UBE2K: variants seen among roughly 807,000 people sequenced by gnomAD.
UBE2K encodes the protein ubiquitin-conjugating enzyme E2 K.
UBE2K carries 6 observed loss-of-function variants against 30.0 expected under a neutral mutation model. The observed-to-expected ratio is 0.20, with a 90% confidence interval of 0.11 to 0.39. UBE2K has a LOEUF of 0.39. UBE2K is among the 10% of genes least tolerant of loss of function. UBE2K has a pLI of 1.00. For missense variants in UBE2K, 61 were observed against 241.6 expected (o/e 0.25, Z 4.96); for synonymous variants, 86 against 83.7 (o/e 1.03, Z -0.15).
chr4:39,701,391 A>G (rs1718001753), intron 1 of UBE2K, among the ~76,000 whole-genome samples: 1 of 152,212 alleles, frequency 6.6e-6, no homozygotes, highest in Non-Finnish European at 1.5e-5. Flanking sequence ...GCTGTTAATA[A>G]CTAGCTGCCA....
Position 39,714,544 on chromosome 4 carries a change from A to ATTTTTTTTTT in UBE2K, c.63+16155_63+16156insTTTTTTTTTT, listed in dbSNP as rs1337587267. 4.8e-3 allele frequency: 102 copies of ATTTTTTTTTT among 21,066 alleles called. 3 individuals carry two copies. The highest frequency in any genetic ancestry group is 0.016 in the East Asian group (6 of 370). The allele number at this position is 21,066 out of a possible 1,614,324, so 1.3% of individuals were successfully genotyped here. ...TATATATATATATATATATATATAT[A>ATTTTTTTTTT]TATATATTTTTTTTTTTTTTTAAGA... On this transcript the variant is annotated intron_variant, in intron 1 of 6. Transcript: ENST00000261427.
intron 1 of UBE2K, among the ~76,000 whole-genome samples, chr4:39,734,364 C>T (rs116053286): frequency 0.011 from 1,713 of 152,172 alleles, 41 homozygotes; most frequent in African/African-American, 0.039. Flanking sequence ...CACGAGCCAC[C>T]GCATGCACCT....
intron 1 of UBE2K, among the ~76,000 whole-genome samples, chr4:39,708,070 A>G (rs975318676): frequency 7.9e-5 from 12 of 151,466 alleles, no homozygotes; most frequent in Non-Finnish European, 1.6e-4. Flanking sequence ...CTAATTTTGT[A>G]TTTTTAGTAG....
intron 4 of UBE2K, among the ~76,000 whole-genome samples, chr4:39,766,476 G>GTT (rs958448358): frequency 7.0e-6 from 1 of 143,390 alleles, no homozygotes; most frequent in Non-Finnish European, 1.5e-5. Context: ...TTTTAACCAG[G>GTT]TTTTTTTTTT....
intron 1 of UBE2K, among the ~76,000 whole-genome samples, chr4:39,715,496 T>G (rs373791528): frequency 2.0e-5 from 3 of 151,342 alleles, no homozygotes; most frequent in South Asian, 4.2e-4. Context: ...TTAGTAGAGA[T>G]AGGGTTTTTC....
intron 1 of UBE2K, among the ~76,000 whole-genome samples, chr4:39,701,188 A>G (rs563365334): frequency 1.3e-5 from 2 of 152,214 alleles, no homozygotes; most frequent in South Asian, 4.1e-4. Context: ...TTTGTTTTTA[A>G]ATATGAGTGT....
At chr4:39,756,405 T>G (rs1721518965) in intron 4 of UBE2K, among the ~76,000 whole-genome samples, 1 of 152,346 alleles carries the variant, frequency 6.6e-6, no homozygotes, top group East Asian at 1.9e-4. Context: ...CTCAGAGGAT[T>G]AAATAAGTTA....
chr4:39,734,066 G>A (rs1560355866), intron 1 of UBE2K, among the ~76,000 whole-genome samples: 1 of 150,332 alleles, frequency 6.7e-6, no homozygotes, highest in Non-Finnish European at 1.5e-5. Flanking sequence ...TTTATCTTTA[G>A]TTCTGTGCAA....
At chr4:39,699,916 A>G (rs1238264037) in intron 1 of UBE2K, among the ~76,000 whole-genome samples, 1 of 152,190 alleles carries the variant, frequency 6.6e-6, no homozygotes, top group Non-Finnish European at 1.5e-5. Flanking sequence ...CAATGCAGAA[A>G]TAGAGTCATA....
At chr4:39,745,987 A>G (rs1005810503) in intron 3 of UBE2K, among the ~76,000 whole-genome samples, 177 bp downstream of exon 3, 2 of 152,154 alleles carry the variant, frequency 1.3e-5, no homozygotes, top group Admixed American at 6.6e-5. Context: ...TGAAATTAGA[A>G]TGAAAAGCAA....
intron 1 of UBE2K, among the ~76,000 whole-genome samples, chr4:39,716,572 G>A (rs1383457222): frequency 1.3e-5 from 2 of 152,092 alleles, no homozygotes; most frequent in African/African-American, 2.4e-5. Context: ...TGTATTAAAC[G>A]TTTCCTGGCA....
rs2109425697 is a variant in UBE2K at position 39,782,275 on chromosome 4, G to A, written c.*3841G>A. On this transcript the variant is annotated 3_prime_UTR_variant, in exon 7 of 7. Coordinates refer to ENST00000261427, the MANE Select transcript of UBE2K (RefSeq NM_005339.5). The stretch of plus-strand genomic sequence containing the variant: ...TTACACTGTGCTGTTAACGATCCTT[G>A]TCTGCTTGCTGTTACCTACTTTTTA... 3.3e-6 allele frequency: 1 copy of A among 298,570 alleles called. No homozygotes were observed. Among genetic ancestry groups the A allele is most frequent in the South Asian group, 1.6e-4 (1 of 6,100 alleles). The allele number at this position is 298,570 out of a possible 1,614,324, so 18.5% of individuals were successfully genotyped here.
At chr4:39,728,940 TA>T (rs1366072782) in intron 1 of UBE2K, among the ~76,000 whole-genome samples, 1 of 151,482 alleles carries the variant, frequency 6.6e-6, no homozygotes, top group Non-Finnish European at 1.5e-5. Flanking sequence ...GTGCTGGGAT[TA>T]CAGGCGTGAG....
intron 1 of UBE2K, among the ~76,000 whole-genome samples, chr4:39,700,457 G>C (rs3806739): frequency 0.12 from 18,802 of 152,114 alleles, 1,303 homozygotes; most frequent in East Asian, 0.22. Context: ...AAATAAGTTG[G>C]AAAGAACATT....
chr4:39,738,220 T>G (rs1720482540), intron 2 of UBE2K, among the ~76,000 whole-genome samples: 2 of 152,220 alleles, frequency 1.3e-5, no homozygotes, highest in South Asian at 4.1e-4. Context: ...CAAATATTTG[T>G]TTATTAGAAA....
Position 39,698,204 on chromosome 4 carries a change from G to A in UBE2K, c.-124G>A, listed in dbSNP as rs1717797105. The stretch of plus-strand genomic sequence containing the variant: ...GAGCGCGGCGGCCGGGGTGGTAGTG[G>A]CAGTGTTCGTGTGCTCAGGTCTGAA... On this transcript the variant is annotated 5_prime_UTR_variant, in exon 1 of 7. Coordinates refer to ENST00000261427, the MANE Select transcript of UBE2K (RefSeq NM_005339.5). 3.3e-6 allele frequency: 3 copies of A among 916,868 alleles called. No homozygotes were observed. The African/African-American group carries it at 4.9e-5, about 15-fold the overall frequency. The allele number at this position is 916,868 out of a possible 1,614,324, so 56.8% of individuals were successfully genotyped here.
chr4:39,777,353 A>G (rs1283142553), intron 5 of UBE2K, among the ~76,000 whole-genome samples: 1 of 152,234 alleles, frequency 6.6e-6, no homozygotes, highest in African/African-American at 2.4e-5. Flanking sequence ...GTTCAGTTGT[A>G]TAATGTTTGC....
intron 4 of UBE2K, among the ~76,000 whole-genome samples, chr4:39,763,897 A>C (rs1712139360): frequency 6.6e-6 from 1 of 151,984 alleles, no homozygotes; most frequent in Non-Finnish European, 1.5e-5. Flanking sequence ...GTGCTACCAC[A>C]CTTGGCTAAT....
intron 3 of UBE2K, among the ~76,000 whole-genome samples, chr4:39,751,092 T>G (rs1445630692): frequency 6.6e-6 from 1 of 150,722 alleles, no homozygotes; most frequent in Non-Finnish European, 1.5e-5. Flanking sequence ...TTCAAAATTC[T>G]TTTTTCTTTT....
Sources: allele counts gnomAD v4.1 joint callset (sites outside exome capture counted in the v4.1 genomes callset), GRCh38; gene constraint gnomAD v4.1.1; transcripts MANE v1.5; gene names NCBI Gene and HGNC (gene_info 2026-07-23, HGNC 2026-07-21).